SLC38A8: variants seen among roughly 807,000 people sequenced by gnomAD.
SLC38A8 encodes solute carrier family 38 member 8, also known as amino acid transporter SLC38A8.
In SLC38A8, 65 loss-of-function variants were observed where a neutral mutation model predicts 46.0. That is an observed-to-expected ratio of 1.41 (90% CI 1.16 to 1.74). The LOEUF is 1.74. SLC38A8 is among the 40% of genes most tolerant of loss of function. SLC38A8 has a pLI of 0.00. For synonymous variants in SLC38A8, 447 were observed against 243.7 expected (o/e 1.83, Z -7.77); for missense variants, 998 against 567.9 (o/e 1.76, Z -7.70).
At position 84,013,131 on chromosome 16, in the gene SLC38A8, G is replaced by A. The variant is rs1335522790; in HGVS notation, c.1163-79C>T. The A allele has an allele frequency of 7.7e-6, 12 of 1,565,072 alleles. 1 individual carries two copies. In the East Asian group the frequency reaches 2.0e-4, roughly 26 times the overall value. On this transcript the variant is annotated intron_variant, in intron 9 of 10. Coordinates refer to ENST00000299709, the MANE Select transcript of SLC38A8 (RefSeq NM_001080442.3). ...AAAAAGGTCCCGGGAGAGGTCCTCA[G>A]GGACCCAGGAGGCCAGCAAGGCCTC... is the stretch of plus-strand genomic sequence containing the variant.
intron 10 of SLC38A8, among the ~76,000 whole-genome samples, chr16:84,011,353 G>T (rs775121782): frequency 6.6e-6 from 1 of 152,234 alleles, no homozygotes; most frequent in Non-Finnish European, 1.5e-5. Flanking sequence ...GGCTTAGGGG[G>T]TTACCAGACA....
rs2151131708 is a variant in SLC38A8, at chr16:84,042,041, TC to T, written c.116del (p.Gly39GlufsTer31). On this transcript the variant is annotated frameshift_variant, in exon 2 of 11. Coordinates refer to ENST00000299709, the MANE Select transcript of SLC38A8 (RefSeq NM_001080442.3). LOFTEE classifies it high-confidence loss of function. ...CCCAGGGGAAGTTGAGCAGGCCAGC[TC>T]CCAGCGCGGACTTCATGAGGATGAA... ...AVFILMKSAL[G>X]AGLLNFPWAF... 8 of 1,613,816 alleles carry T rather than the reference TC, an allele frequency of 5.0e-6. No individual in the cohort carries two copies. Among genetic ancestry groups the T allele is most frequent in the South Asian group, 2.2e-5 (2 of 91,060 alleles).
At chr16:84,037,201 G>A (rs144173242) in intron 2 of SLC38A8, among the ~76,000 whole-genome samples, 1 of 152,230 alleles carries the variant, frequency 6.6e-6, no homozygotes, top group Non-Finnish European at 1.5e-5. Flanking sequence ...CAGAAACCCA[G>A]TGTTTAAGTT....
rs148142537 is a variant in SLC38A8 at position 84,036,730 on chromosome 16, G to C, written c.360C>G (p.Leu120=). ...TCTCCAGCTGGTCCCCGATCACCCT[G>C]AGGAAGGCCACGGAGATCATGAGCA... The part of the protein sequence containing the change: ...LNLLMISVAF[L]RVIGDQLEKL... Residue 120 remains leucine (L), a synonymous_variant, in exon 3 of 11, where the codon CTC becomes CTG. Transcript: ENST00000299709. 6.2e-7 allele frequency: 1 copy of C among 1,614,244 alleles called. No homozygotes were observed. Among genetic ancestry groups the C allele is most frequent in the Non-Finnish European group, 8.5e-7 (1 of 1,180,044 alleles).
Position 84,009,837 on chromosome 16 carries a change from C to G in SLC38A8, c.1255G>C (p.Gly419Arg). Residue 419 changes from glycine to arginine, a missense_variant, in exon 11 of 11, where the codon GGC (glycine) becomes CGC (arginine). By Grantham distance (125) the Gly-to-Arg change is moderately radical. Transcript: ENST00000299709. ...EVWGVVSVLV[G>R]TFIFGQSTAA... The stretch of plus-strand genomic sequence containing the variant: ...GTGCTCTGCCCAAAGATGAAGGTGC[C>G]GACCAGCACAGAGACCACTCCCCAG... The G allele has an allele frequency of 6.2e-7, 1 of 1,614,104 alleles. No individual in the cohort carries two copies. The highest frequency in any genetic ancestry group is 1.1e-5 in the South Asian group (1 of 91,078).
At chr16:84,041,853 C>G (rs1231972534) in intron 2 of SLC38A8, 116 bp downstream of exon 2, 5 of 922,428 alleles carry the variant, frequency 5.4e-6, no homozygotes, top group Non-Finnish European at 8.1e-6. Flanking sequence ...AAAATAAAAC[C>G]CCGAAGCTAT....
At chr16:84,037,936 G>A (rs7206897) in intron 2 of SLC38A8, among the ~76,000 whole-genome samples, 1 of 151,260 alleles carries the variant, frequency 6.6e-6, no homozygotes, top group East Asian at 2.0e-4. Context: ...AACCTCCCGA[G>A]TATCTGGGAC....
chr16:84,020,375 G>C (rs570497219), intron 7 of SLC38A8, among the ~76,000 whole-genome samples: 1 of 152,054 alleles, frequency 6.6e-6, no homozygotes, highest in Admixed American at 6.6e-5. Flanking sequence ...CGAACTCCTG[G>C]CCTCAAGCAG....
At chr16:84,021,914 G>C (rs1413922732) in intron 7 of SLC38A8, among the ~76,000 whole-genome samples, 1 of 152,208 alleles carries the variant, frequency 6.6e-6, no homozygotes, top group African/African-American at 2.4e-5. Flanking sequence ...CATGGCAAGG[G>C]GGCTGAGTGT....
chr16:84,012,955 G>A (rs748140565), intron 10 of SLC38A8, 46 bp downstream of exon 10: 6 of 1,601,818 alleles, frequency 3.7e-6, no homozygotes, highest in South Asian at 1.1e-5. Flanking sequence ...TTCTTACTCT[G>A]ATCCGGGGCA....
chr16:84,015,147 G>A (rs997384032), intron 9 of SLC38A8, among the ~76,000 whole-genome samples: 2 of 152,120 alleles, frequency 1.3e-5, no homozygotes, highest in Admixed American at 1.3e-4. Context: ...TCCACTCACG[G>A]AACACGCACT....
chr16:84,032,965 T>A (rs1411331544), intron 4 of SLC38A8, among the ~76,000 whole-genome samples: 1 of 30,746 alleles, frequency 3.3e-5, no homozygotes, highest in African/African-American at 1.6e-4. Flanking sequence ...TAGGTGGGTG[T>A]GCATGGGGGG....
At position 84,036,103 on chromosome 16, in the gene SLC38A8, A is replaced by T. The variant is rs112166269; in HGVS notation, c.388+599T>A. Among the ~76,000 whole-genome samples the T allele has an allele frequency of 6.2e-4, 94 of 152,354 alleles. 1 individual carries two copies. Among genetic ancestry groups the T allele is most frequent in the Middle Eastern group, 3.4e-3 (1 of 294 alleles). Reference sequence around the variant, plus strand: ...ATACAGACTCCCTGACCATGATGCAAATTAAGGTCGAAACCGTGAAGGAAT... The same window carrying T: ...ATACAGACTCCCTGACCATGATGCATATTAAGGTCGAAACCGTGAAGGAAT... On this transcript the variant is annotated intron_variant, in intron 3 of 10. Transcript: ENST00000299709.
At chr16:84,011,551 T>C (rs1427029728) in intron 10 of SLC38A8, among the ~76,000 whole-genome samples, 2 of 152,236 alleles carry the variant, frequency 1.3e-5, no homozygotes, top group African/African-American at 4.8e-5. Context: ...TGCTGCCATT[T>C]AACATTATCT....
rs1474164040 is a variant in SLC38A8, at chr16:84,036,814, G to A, written c.276C>T (p.Val92=). The change falls in exon 3 of 11, where the codon GTC becomes GTT. Residue 92 remains valine (V), a synonymous_variant. Coordinates refer to ENST00000299709, the MANE Select transcript of SLC38A8 (RefSeq NM_001080442.3). The part of the protein sequence containing the change: ...VSGQATYQGV[V]RGLCGPAIGK... ...CAATGGCAGGGCCACACAGCCCCCT[G>A]ACCACACCCTGGTAGGTGGCCTGGC... The A allele has an allele frequency of 1.9e-6, 3 of 1,613,894 alleles. No homozygotes were observed. The highest frequency in any genetic ancestry group is 2.5e-6 in the Non-Finnish European group (3 of 1,180,024).
chr16:84,036,363 A>C (rs970340651), intron 3 of SLC38A8, among the ~76,000 whole-genome samples: 1 of 152,260 alleles, frequency 6.6e-6, no homozygotes, highest in Non-Finnish European at 1.5e-5. Flanking sequence ...TCAGAGCCAC[A>C]GCCATTCCAA....
At chr16:84,022,455 G>A (rs916319804) in intron 7 of SLC38A8, among the ~76,000 whole-genome samples, 3 of 152,222 alleles carry the variant, frequency 2.0e-5, no homozygotes, top group Admixed American at 2.0e-4. Flanking sequence ...AGCAGTCAAT[G>A]TCCTTTGAAC....
At chr16:84,028,364 T>TGAC (rs1434808545) in intron 6 of SLC38A8, among the ~76,000 whole-genome samples, 121 of 152,066 alleles carry the variant, frequency 8.0e-4, no homozygotes, top group African/African-American at 2.9e-3. Flanking sequence ...GCAGATCGCT[T>TGAC]GACGTCAGGA....
chr16:84,018,222 CCTTT>C (rs1193054668), intron 7 of SLC38A8, among the ~76,000 whole-genome samples: 65 of 124,494 alleles, frequency 5.2e-4, no homozygotes, highest in African/African-American at 7.6e-4. Context: ...AGCCCTCATT[CCTTT>C]TTTTTTTTTT....
Sources: gnomAD v4.1 joint callset for allele counts (sites outside exome capture counted in the v4.1 genomes callset) on GRCh38, gnomAD v4.1.1 for gene constraint, MANE v1.5 for transcripts, NCBI Gene and HGNC (gene_info 2026-07-23, HGNC 2026-07-21) for gene names.